NRG1: variants seen among roughly 807,000 people sequenced by gnomAD.
The protein encoded by NRG1 is pro-neuregulin-1, membrane-bound isoform.
In NRG1, 18 loss-of-function variants were observed where a neutral mutation model predicts 63.8. The ratio of observed to expected loss-of-function variants is 0.28; its 90% confidence interval spans 0.19 to 0.42. NRG1 has a LOEUF of 0.42. NRG1 is among the 10% of genes least tolerant of loss of function. NRG1 has a pLI of 1.00. For synonymous variants in NRG1, 302 were observed against 301.3 expected, an observed-to-expected ratio of 1.00 and a Z score of -0.02; for missense variants, 762 against 814.7, an observed-to-expected ratio of 0.94 and a Z score of 0.79.
chr8:31,952,287 A>G (rs1212701602), intron 1 of NRG1, among the ~76,000 whole-genome samples: 1 of 152,250 alleles, frequency 6.6e-6, no homozygotes, highest in South Asian at 2.1e-4. Context: ...CGTGTAAAGA[A>G]CTTATTACAA....
chr8:32,748,718 T>C (rs1420746238), intron 7 of NRG1: 1 of 456,150 alleles, frequency 2.2e-6, no homozygotes, highest in Non-Finnish European at 4.4e-6. Flanking sequence ...CTCTCTGTGA[T>C]TTAAAGGAGT....
chr8:32,287,342 C>G (rs1047107092), intron 1 of NRG1: 1 of 152,226 alleles, frequency 6.6e-6, no homozygotes, highest in Non-Finnish European at 1.5e-5. Context: ...GGAGGAGATG[C>G]AAAGTCATAT....
At chr8:31,838,292 C>T (rs1283948020) in intron 1 of NRG1, among the ~76,000 whole-genome samples, 2 of 152,080 alleles carry the variant, frequency 1.3e-5, no homozygotes, top group Non-Finnish European at 2.9e-5. Context: ...TTTGTAGTCT[C>T]TTCCATGGAA....
chr8:31,820,619 G>A (rs1419631041), intron 1 of NRG1, among the ~76,000 whole-genome samples: 2 of 152,170 alleles, frequency 1.3e-5, no homozygotes, highest in African/African-American at 4.8e-5. Flanking sequence ...ATTATACAAA[G>A]TTCTGGGGAT....
At chr8:32,727,010 T>C (rs1822374284) in intron 5 of NRG1, among the ~76,000 whole-genome samples, 1 of 152,054 alleles carries the variant, frequency 6.6e-6, no homozygotes, top group African/African-American at 2.4e-5. Flanking sequence ...TGATAAACAT[T>C]GTGTATATTA....
chr8:32,231,655 C>G (rs568892425), intron 1 of NRG1, among the ~76,000 whole-genome samples: 1 of 152,158 alleles, frequency 6.6e-6, no homozygotes, highest in Non-Finnish European at 1.5e-5. Context: ...AATCCTAGCA[C>G]TTTGGGAGAC....
chr8:32,561,327 T>C (rs966301185), intron 1 of NRG1, among the ~76,000 whole-genome samples: 3 of 152,250 alleles, frequency 2.0e-5, no homozygotes, highest in African/African-American at 4.8e-5. Context: ...ATTTGAAGGC[T>C]GTAAATCAAC....
At chr8:32,679,846 G>T (rs1808137453) in intron 5 of NRG1, among the ~76,000 whole-genome samples, 1 of 152,174 alleles carries the variant, frequency 6.6e-6, no homozygotes. Context: ...GGAAGTTATT[G>T]CTAATGCACT....
At chr8:31,963,763 C>T (rs895085538) in intron 1 of NRG1, among the ~76,000 whole-genome samples, 4 of 152,060 alleles carry the variant, frequency 2.6e-5, no homozygotes, top group East Asian at 1.9e-4. Flanking sequence ...CCATCAAATA[C>T]GATAAAATGA....
At chr8:32,568,538 A>T (rs1272680176) in intron 1 of NRG1, among the ~76,000 whole-genome samples, 1 of 152,174 alleles carries the variant, frequency 6.6e-6, no homozygotes, top group South Asian at 2.1e-4. Flanking sequence ...TTAGTAAGAG[A>T]TTCTTCTGCT....
At chr8:32,639,301 G>T (rs1158293763) in intron 5 of NRG1, among the ~76,000 whole-genome samples, 1 of 152,266 alleles carries the variant, frequency 6.6e-6, no homozygotes, top group East Asian at 1.9e-4. Context: ...AGCTACCTAG[G>T]AAGCCAAGAC....
chr8:32,366,711 A>ATATATATC (rs1407313192), intron 1 of NRG1, among the ~76,000 whole-genome samples: 4 of 81,744 alleles, frequency 4.9e-5, no homozygotes, highest in African/African-American at 1.8e-4. Context: ...ATATATATAT[A>ATATATATC]TATCTCACTT....
intron 1 of NRG1, among the ~76,000 whole-genome samples, chr8:32,010,359 T>C (rs1160454018): frequency 1.3e-5 from 2 of 152,074 alleles, no homozygotes; most frequent in African/African-American, 2.4e-5. Context: ...CCTGGTAGAT[T>C]AGATTTACAA....
At chr8:31,893,183 T>C (rs1831287018) in intron 1 of NRG1, among the ~76,000 whole-genome samples, 1 of 150,172 alleles carries the variant, frequency 6.7e-6, no homozygotes, top group Non-Finnish European at 1.5e-5. Context: ...TATTATATAC[T>C]ATTATATAAT....
At chr8:31,647,315 T>G (rs1289760138) in intron 1 of NRG1, among the ~76,000 whole-genome samples, 1 of 152,248 alleles carries the variant, frequency 6.6e-6, no homozygotes, top group Non-Finnish European at 1.5e-5. Flanking sequence ...TTGTTTCCAA[T>G]ATCACAACAG....
At chr8:31,932,876 C>T (rs889823910) in intron 1 of NRG1, among the ~76,000 whole-genome samples, 4 of 152,230 alleles carry the variant, frequency 2.6e-5, no homozygotes, top group Non-Finnish European at 5.9e-5. Flanking sequence ...TTCCGAATCA[C>T]TTGTTTATGT....
chr8:32,647,444 C>A (rs1215198998), intron 5 of NRG1: 2 of 985,234 alleles, frequency 2.0e-6, no homozygotes, highest in African/African-American at 3.5e-5. Flanking sequence ...TCTTGACGAG[C>A]CCGGGATGGT....
At chr8:31,815,654 T>G (rs1823367974) in intron 1 of NRG1, among the ~76,000 whole-genome samples, 2 of 152,332 alleles carry the variant, frequency 1.3e-5, no homozygotes, top group South Asian at 4.1e-4. Context: ...TTTAAATTTT[T>G]GAGGAATCAC....
At chr8:31,993,310 G>T (rs1811395885) in intron 1 of NRG1, among the ~76,000 whole-genome samples, 1 of 151,882 alleles carries the variant, frequency 6.6e-6, no homozygotes, top group African/African-American at 2.4e-5. Flanking sequence ...CTGAAGCATG[G>T]GGTCCAGGGA....
Sources: allele counts gnomAD v4.1 joint callset (sites outside exome capture counted in the v4.1 genomes callset), GRCh38; gene constraint gnomAD v4.1.1; transcripts MANE v1.5; gene names NCBI Gene and HGNC (gene_info 2026-07-23, HGNC 2026-07-21).